KIDINS220: variants seen among roughly 807,000 people sequenced by gnomAD.
KIDINS220 encodes the protein kinase D interacting substrate 220.
In KIDINS220, 63 loss-of-function variants were observed where a neutral mutation model predicts 157.6. The observed-to-expected ratio is 0.40, with a 90% CI of 0.33 to 0.49. The LOEUF is 0.49. Among genes scored for constraint, KIDINS220 ranks in the 20% least tolerant of loss-of-function variants. KIDINS220 has a pLI of 0.66. For missense variants in KIDINS220, 1,772 were observed against 2,171.2 expected, an observed-to-expected ratio of 0.82 and a Z score of 3.65; for synonymous variants, 732 against 783.6, an observed-to-expected ratio of 0.93 and a Z score of 1.10.
Position 8,817,723 on chromosome 2 carries a change from C to T in KIDINS220, c.208-7G>A, listed in dbSNP as rs1572786173. 3 of 1,570,372 alleles carry T rather than the reference C, an allele frequency of 1.9e-6. No homozygotes were observed. The highest frequency in any genetic ancestry group is 1.2e-5 in the South Asian group (1 of 84,570). Reference sequence around the variant, plus strand: ...TAAGTGCTGTCCAATTATCCTTGAACATATATTTTAAAAGTTATCATTTTC... The same window carrying T: ...TAAGTGCTGTCCAATTATCCTTGAATATATATTTTAAAAGTTATCATTTTC... On this transcript the variant is annotated splice_polypyrimidine_tract_variant and splice_region_variant and intron_variant, in intron 3 of 29. Transcript: ENST00000256707.
intron 22 of KIDINS220, among the ~76,000 whole-genome samples, chr2:8,766,615 T>C (rs768514394): frequency 6.6e-5 from 10 of 152,214 alleles, no homozygotes; most frequent in South Asian, 2.1e-4. Flanking sequence ...TGGTCCATAA[T>C]AGGTGTCCAA....
intron 26 of KIDINS220, among the ~76,000 whole-genome samples, chr2:8,741,242 T>G (rs1416382564): frequency 1.3e-5 from 2 of 152,178 alleles, no homozygotes; most frequent in Non-Finnish European, 2.9e-5. Context: ...AAATTAGGCA[T>G]AACACTACAT....
At chr2:8,809,585 C>T (rs770355005) in intron 6 of KIDINS220, among the ~76,000 whole-genome samples, 2 of 151,532 alleles carry the variant, frequency 1.3e-5, no homozygotes, top group East Asian at 1.9e-4. Context: ...CTGCCAAATC[C>T]GCATTCACAT....
In KIDINS220 at chr2:8,750,217, A is replaced by G. The variant is rs1667153048; in HGVS notation, c.3309T>C (p.Ser1103=). 1 of 1,614,198 alleles carries G rather than the reference A, an allele frequency of 6.2e-7. No individual in the cohort carries two copies. ...SGYSQPPSVC[S]STSFNGPFAG... is the part of the protein sequence containing the mutation. ...CGAAGGGCCCATTGAAGGACGTGGA[A>G]GAGCACACGGATGGGGGCTGGCTGT... is the stretch of plus-strand genomic sequence containing the variant. The change falls in exon 24 of 30, where the codon TCT becomes TCC. Residue 1103 remains serine, a synonymous_variant. Coordinates refer to ENST00000256707, the MANE Select transcript of KIDINS220 (RefSeq NM_020738.4).
At chr2:8,785,571 A>G (rs1326542133) in intron 17 of KIDINS220, among the ~76,000 whole-genome samples, 170 bp downstream of exon 17, 3 of 152,176 alleles carry the variant, frequency 2.0e-5, no homozygotes, top group Non-Finnish European at 4.4e-5. Context: ...GTGAACTTAA[A>G]ACTACCTTAA....
At chr2:8,744,567 T>C (rs566870584) in intron 26 of KIDINS220, among the ~76,000 whole-genome samples, 11 of 151,120 alleles carry the variant, frequency 7.3e-5, no homozygotes, top group African/African-American at 2.7e-4. Flanking sequence ...TTGACTCTTC[T>C]GCAGGCTTTG....
In KIDINS220 at chr2:8,747,872, CT is replaced by C; in HGVS notation, c.3528+14del. On this transcript the variant is annotated intron_variant, in intron 25 of 29. Transcript: ENST00000256707. ...TTATTAAATTAATATTTGCGTTACC[CT>C]TTTATATACTTACTAGGCCATTGTT... is the stretch of plus-strand genomic sequence containing the variant. 3.4e-6 allele frequency: 5 copies of C among 1,476,868 alleles called. No homozygotes were observed. Among genetic ancestry groups the C allele is most frequent in the South Asian group, 1.2e-5 (1 of 80,224 alleles). 91.5% of individuals were successfully genotyped at this position (1,476,868 alleles called of 1,614,324 possible). A position where few individuals can be genotyped will look rare whatever the true frequency, so the allele number is the denominator to read the frequency against.
At chr2:8,744,142 A>G (rs1306610398) in intron 26 of KIDINS220, among the ~76,000 whole-genome samples, 1 of 145,224 alleles carries the variant, frequency 6.9e-6, no homozygotes, top group Admixed American at 7.0e-5. Context: ...TATGTTATAT[A>G]TTAATATAAT....
At chr2:8,778,221 G>A (rs78662640) in intron 20 of KIDINS220, among the ~76,000 whole-genome samples, 7,398 of 152,284 alleles carry the variant, frequency 0.049, 221 homozygotes, top group Middle Eastern at 0.072. Context: ...AAGAGTGAGC[G>A]TCCCACAAGC....
rs78365141 is a variant in KIDINS220 at position 8,730,968 on chromosome 2, C to T, written c.5068G>A (p.Ala1690Thr). The change falls in exon 30 of 30, where the codon GCT (alanine) becomes ACT (threonine). Residue 1690 changes from alanine to threonine, a missense_variant. By Grantham distance (58) the Ala-to-Thr change is moderately conservative. Coordinates refer to ENST00000256707, the MANE Select transcript of KIDINS220 (RefSeq NM_020738.4). Reference sequence around the variant, plus strand: ...TTTTGATTGGCTCTGTTGGCTGGAGCACTATTGTTGTTCAGAGTCACGGTG... The same window carrying T: ...TTTTGATTGGCTCTGTTGGCTGGAGTACTATTGTTGTTCAGAGTCACGGTG... ...PSTVTLNNNS[A>T]PANRANQNFD... 8.1e-6 allele frequency: 13 copies of T among 1,614,070 alleles called. No homozygotes were observed. The highest frequency in any genetic ancestry group is 1.1e-5 in the Non-Finnish European group (13 of 1,180,054).
In KIDINS220 at chr2:8,793,889, C is replaced by A. The variant is rs567238430; in HGVS notation, c.1197G>T (p.Arg399Ser). The A allele has an allele frequency of 2.5e-6, 4 of 1,613,914 alleles. No individual in the cohort carries two copies. The East Asian group carries it at 8.9e-5, about 36-fold the overall frequency. Residue 399 changes from arginine to serine, a missense_variant, in exon 12 of 30, where the codon AGG (arginine) becomes AGT (serine). Physicochemically the swap from Arg to Ser is moderately radical, Grantham distance 110. Coordinates refer to ENST00000256707, the MANE Select transcript of KIDINS220 (RefSeq NM_020738.4). ...AAGGAGTCTCGCCTGCTTTGTTGGGCCTATAAAGTAATCGCCCATCTTTGG... is the reference window on the plus strand; with the variant it reads ...AAGGAGTCTCGCCTGCTTTGTTGGGACTATAAAGTAATCGCCCATCTTTGG... ...RNPKDGRLLY[R>S]PNKAGETPYN...
At chr2:8,733,006 T>C in intron 29 of KIDINS220, among the ~76,000 whole-genome samples, 1 of 152,078 alleles carries the variant, frequency 6.6e-6, no homozygotes, top group East Asian at 1.9e-4. Context: ...GAAACCAATA[T>C]CCGTGAAGGG....
chr2:8,754,124 G>C (rs1206155396), intron 22 of KIDINS220, among the ~76,000 whole-genome samples: 1 of 152,178 alleles, frequency 6.6e-6, no homozygotes, highest in African/African-American at 2.4e-5. Context: ...AGAGAAGCTA[G>C]AAAGATTTAG....
In KIDINS220 at chr2:8,729,889, T is replaced by G. The variant is rs117026883; in HGVS notation, c.*831A>C. ...TGATTTTCCAGAAAAAGAATTCATG[T>G]TTTTTTTTCTTCTCATTGCTAAGCT... On this transcript the variant is annotated 3_prime_UTR_variant, in exon 30 of 30. Transcript: ENST00000256707. 187 of 983,146 alleles carry G rather than the reference T, an allele frequency of 1.9e-4. No individual in the cohort carries two copies. In the East Asian group the frequency reaches 0.016, roughly 84 times the overall value. The allele number at this position is 983,146 out of a possible 1,614,324, so 60.9% of individuals were successfully genotyped here.
chr2:8,779,913 A>G, intron 17 of KIDINS220, 99 bp from the exon 18 acceptor site: 1 of 1,283,222 alleles, frequency 7.8e-7, no homozygotes, highest in Non-Finnish European at 1.1e-6. Flanking sequence ...TAATAGGAAC[A>G]GAAGACATTC....
chr2:8,793,698 T>C (rs978861734), intron 12 of KIDINS220, 112 bp downstream of exon 12: 143 of 990,600 alleles, frequency 1.4e-4, no homozygotes, highest in Non-Finnish European at 3.3e-5. Context: ...CTCGGCCTCC[T>C]CAAGTGCTGG....
At chr2:8,736,258 G>A (rs1445168941) in intron 27 of KIDINS220, among the ~76,000 whole-genome samples, 3 of 152,078 alleles carry the variant, frequency 2.0e-5, no homozygotes, top group South Asian at 2.1e-4. Context: ...TAAAGACTTC[G>A]TTAAAACCTT....
chr2:8,744,283 A>G (rs1666043872), intron 26 of KIDINS220, among the ~76,000 whole-genome samples: 1 of 140,432 alleles, frequency 7.1e-6, no homozygotes, highest in African/African-American at 2.6e-5. Context: ...TATAAGCACT[A>G]CAGTGTTCCT....
chr2:8,788,678 G>A lies in KIDINS220; in HGVS notation c.1756C>T (p.Pro586Ser). ...GGTAAAGCTTTAGTAGTCTGCTCTG[G>A]CAACTCAGGTGGATTCACAAACATC... ...KLMFVNPPEL[P>S]EQTTKALPVR... Residue 586 changes from proline to serine, a missense_variant, in exon 15 of 30, where the codon CCA (proline) becomes TCA (serine). This residue lies in a region of KIDINS220 where 725 missense variants were observed against 1,017.1 expected (regional missense o/e 0.71). Coordinates refer to ENST00000256707, the MANE Select transcript of KIDINS220 (RefSeq NM_020738.4). The A allele has an allele frequency of 1.2e-6, 2 of 1,614,102 alleles. No individual in the cohort carries two copies. The highest frequency in any genetic ancestry group is 1.7e-6 in the Non-Finnish European group (2 of 1,179,978).
Sources: allele counts gnomAD v4.1 joint callset (sites outside exome capture counted in the v4.1 genomes callset), GRCh38; gene constraint gnomAD v4.1.1; regional missense constraint gnomAD v4.1.1; transcripts MANE v1.5; gene names NCBI Gene and HGNC (gene_info 2026-07-23, HGNC 2026-07-21).